FHIT: variants seen among roughly 807,000 people sequenced by gnomAD.
FHIT encodes the protein fragile histidine triad diadenosine triphosphatase, also known as bis(5'-adenosyl)-triphosphatase.
In FHIT, 19 loss-of-function variants were observed where a neutral mutation model predicts 17.9. That is an observed-to-expected ratio of 1.06 (90% CI 0.74 to 1.56). FHIT has a LOEUF of 1.56. FHIT is among the 40% of genes most tolerant of loss of function. The probability of loss-of-function intolerance (pLI) is 0.00; values close to 1 mark genes in which losing one functional copy is unlikely to be tolerated. For synonymous variants in FHIT, 81 were observed against 69.7 expected (o/e 1.16, Z -0.81); for missense variants, 248 against 189.2 (o/e 1.31, Z -1.82).
At chr3:60,308,492 A>ATG (rs1255195426) in intron 5 of FHIT, among the ~76,000 whole-genome samples, 5 of 57,252 alleles carry the variant, frequency 8.7e-5, no homozygotes, top group African/African-American at 2.8e-4. Context: ...GTATAGGTGT[A>ATG]TGTGTATATA....
chr3:60,140,034 T>C (rs1477277072), intron 5 of FHIT, among the ~76,000 whole-genome samples: 5 of 151,908 alleles, frequency 3.3e-5, no homozygotes, highest in Non-Finnish European at 1.5e-5. Context: ...AGGCAGAGAA[T>C]TGCTTAAACC....
intron 3 of FHIT, among the ~76,000 whole-genome samples, chr3:60,823,854 C>T (rs906364736): frequency 6.6e-6 from 1 of 152,120 alleles, no homozygotes; most frequent in East Asian, 1.9e-4. Context: ...CAGGGGACAA[C>T]CATGATGATG....
intron 4 of FHIT, among the ~76,000 whole-genome samples, chr3:60,710,606 C>T (rs921687472): frequency 6.6e-6 from 1 of 152,198 alleles, no homozygotes; most frequent in East Asian, 1.9e-4. Flanking sequence ...GGAAATGGCG[C>T]ACCAGGAGAT....
intron 2 of FHIT, among the ~76,000 whole-genome samples, chr3:61,127,624 G>C: frequency 6.6e-6 from 1 of 152,144 alleles, no homozygotes; most frequent in East Asian, 1.9e-4. Context: ...CAGCACTTTG[G>C]GAGGCCGAGG....
chr3:60,678,199 G>T (rs553800036), intron 4 of FHIT, among the ~76,000 whole-genome samples: 2 of 151,906 alleles, frequency 1.3e-5, no homozygotes, highest in South Asian at 4.2e-4. Flanking sequence ...CAAACAGATA[G>T]AACTGCCTTG....
intron 5 of FHIT, among the ~76,000 whole-genome samples, chr3:60,303,591 G>T (rs1380005227): frequency 6.6e-6 from 1 of 152,148 alleles, no homozygotes; most frequent in Non-Finnish European, 1.5e-5. Flanking sequence ...GCTGTGATCA[G>T]TGTTGATGTG....
At chr3:60,700,074 T>G (rs995764780) in intron 4 of FHIT, among the ~76,000 whole-genome samples, 2 of 147,714 alleles carry the variant, frequency 1.4e-5, no homozygotes, top group Non-Finnish European at 3.0e-5. Context: ...GAGGTTGCCA[T>G]GAGCCAAGAT....
intron 4 of FHIT, among the ~76,000 whole-genome samples, chr3:60,574,643 T>A (rs1299679324): frequency 6.6e-6 from 1 of 152,122 alleles, no homozygotes; most frequent in African/African-American, 2.4e-5. Flanking sequence ...ATCTTTACAT[T>A]GACTACATCA....
intron 8 of FHIT, among the ~76,000 whole-genome samples, chr3:59,843,381 G>A (rs1423089630): frequency 1.3e-5 from 2 of 152,026 alleles, no homozygotes; most frequent in South Asian, 2.1e-4. Context: ...TCTTTTCCAG[G>A]ATTTCTTTGG....
chr3:60,608,303 T>A (rs1559577744), intron 4 of FHIT, among the ~76,000 whole-genome samples: 1 of 151,976 alleles, frequency 6.6e-6, no homozygotes, highest in Non-Finnish European at 1.5e-5. Context: ...TCAGCGGGGG[T>A]AAACACAAAC....
At chr3:60,389,687 C>T (rs1222369672) in intron 5 of FHIT, among the ~76,000 whole-genome samples, 1 of 152,090 alleles carries the variant, frequency 6.6e-6, no homozygotes, top group African/African-American at 2.4e-5. Flanking sequence ...CAAGTATGGT[C>T]GATAATGAGG....
intron 7 of FHIT, among the ~76,000 whole-genome samples, chr3:59,932,907 C>T (rs1043046425): frequency 7.9e-5 from 12 of 152,058 alleles, no homozygotes; most frequent in African/African-American, 2.4e-4. Flanking sequence ...TAATTTTTTG[C>T]TCCTTGGGCT....
intron 3 of FHIT, among the ~76,000 whole-genome samples, chr3:60,888,723 A>C (rs1450812110): frequency 6.6e-6 from 1 of 152,244 alleles, no homozygotes; most frequent in Non-Finnish European, 1.5e-5. Flanking sequence ...TGTCCATATA[A>C]GAACAATGGT....
chr3:60,720,296 C>G (rs539898150), intron 4 of FHIT, among the ~76,000 whole-genome samples: 1 of 152,272 alleles, frequency 6.6e-6, no homozygotes, highest in Admixed American at 6.5e-5. Context: ...ATGTCATCTC[C>G]CCTGAAAGCT....
chr3:60,582,013 C>T (rs971132006), intron 4 of FHIT, among the ~76,000 whole-genome samples: 2 of 151,912 alleles, frequency 1.3e-5, no homozygotes, highest in African/African-American at 2.4e-5. Context: ...TTTTGCTTTA[C>T]TTTGTTTAAA....
intron 4 of FHIT, among the ~76,000 whole-genome samples, chr3:60,620,679 T>C (rs955514457): frequency 7.3e-5 from 11 of 151,690 alleles, no homozygotes; most frequent in Middle Eastern, 3.4e-3. Flanking sequence ...AGATAGAACA[T>C]AGGAGATTTT....
At chr3:61,239,762 CATATATAT>C (rs72107416) in intron 1 of FHIT, among the ~76,000 whole-genome samples, 2 of 108,300 alleles carry the variant, frequency 1.8e-5, no homozygotes, top group South Asian at 3.0e-4. Flanking sequence ...AACAACTGGC[CATATATAT>C]ATATATATAT....
At chr3:60,036,175 AAAG>A (rs1701208948) in intron 5 of FHIT, among the ~76,000 whole-genome samples, 1 of 152,234 alleles carries the variant, frequency 6.6e-6, no homozygotes, top group Admixed American at 6.5e-5. Flanking sequence ...CACCTGGAAG[AAAG>A]AAGAACTAAA....
chr3:60,628,879 T>A (rs1273539158), intron 4 of FHIT, among the ~76,000 whole-genome samples: 7 of 151,978 alleles, frequency 4.6e-5, no homozygotes, highest in African/African-American at 1.7e-4. Flanking sequence ...GCAGGCAGAG[T>A]AACACCTATA....
Sources: gnomAD v4.1 joint callset for allele counts (sites outside exome capture counted in the v4.1 genomes callset) on GRCh38, gnomAD v4.1.1 for gene constraint, MANE v1.5 for transcripts, NCBI Gene and HGNC (gene_info 2026-07-23, HGNC 2026-07-21) for gene names.